CLOCK: variants seen among roughly 807,000 people sequenced by gnomAD.
CLOCK encodes the protein circadian locomoter output cycles protein kaput.
Under a neutral mutation model 118.4 loss-of-function variants are expected in CLOCK, and 43 were observed. That is an observed-to-expected ratio of 0.36 (90% CI 0.28 to 0.47). The LOEUF (loss-of-function observed/expected upper bound fraction) is 0.47, where lower values mean the gene tolerates loss of function less well. Among genes scored for constraint, CLOCK ranks in the 20% least tolerant of loss-of-function variants. The probability of loss-of-function intolerance (pLI) is 1.00; values close to 1 mark genes in which losing one functional copy is unlikely to be tolerated. For synonymous variants in CLOCK, 326 were observed against 339.2 expected (o/e 0.96, Z 0.43); for missense variants, 846 against 999.9 (o/e 0.85, Z 2.08).
At chr4:55,527,917 T>C (rs1399778498) in intron 1 of CLOCK, among the ~76,000 whole-genome samples, 1 of 151,900 alleles carries the variant, frequency 6.6e-6, no homozygotes. Flanking sequence ...TAGTGGCACA[T>C]GCCTATTATC....
intron 1 of CLOCK, among the ~76,000 whole-genome samples, chr4:55,521,829 G>T (rs143057703): frequency 4.5e-4 from 68 of 152,296 alleles, no homozygotes; most frequent in Middle Eastern, 6.8e-3. Context: ...GAGTGTGTAT[G>T]TAACTAGACA....
intron 2 of CLOCK, among the ~76,000 whole-genome samples, chr4:55,504,283 C>CAAAAAAAAAAAAAA (rs35414558): frequency 1.9e-5 from 1 of 51,950 alleles, no homozygotes; most frequent in African/African-American, 7.1e-5. Context: ...GAGACTCCAT[C>CAAAAAAAAAAAAAA]AAAAAAAAAA....
chr4:55,542,000 T>C (rs1731299923), intron 1 of CLOCK, among the ~76,000 whole-genome samples: 1 of 151,170 alleles, frequency 6.6e-6, no homozygotes, highest in South Asian at 2.1e-4. Flanking sequence ...AAATGTTGTA[T>C]GTAATTTTCT....
At chr4:55,494,022 T>G (rs1727892425) in intron 2 of CLOCK, among the ~76,000 whole-genome samples, 1 of 152,242 alleles carries the variant, frequency 6.6e-6, no homozygotes, top group Non-Finnish European at 1.5e-5. Context: ...TTTCAAGTAA[T>G]GTCTGAGCTT....
chr4:55,504,306 A>C (rs1308248374), intron 2 of CLOCK, among the ~76,000 whole-genome samples: 3 of 150,528 alleles, frequency 2.0e-5, no homozygotes, highest in African/African-American at 4.9e-5. Context: ...AAAAAAAAAA[A>C]ACACAACTTG....
chr4:55,487,985 T>C lies in CLOCK; in HGVS notation c.-44+1389A>G, dbSNP rs569350286. Among the ~76,000 whole-genome samples, 46 of 152,316 alleles carry C rather than the reference T, an allele frequency of 3.0e-4. No individual in the cohort carries two copies. In the Middle Eastern group the frequency reaches 0.017, roughly 56 times the overall value. ...AGAAAATAAAATTTAATTGTATTGT[T>C]TGCCATCTCTAGCAGTTTCCCATAT... is the stretch of plus-strand genomic sequence containing the variant. On this transcript the variant is annotated intron_variant, in intron 3 of 22. Transcript: ENST00000513440.
At chr4:55,454,638 A>G (rs898863407) in intron 13 of CLOCK, among the ~76,000 whole-genome samples, 39 of 139,556 alleles carry the variant, frequency 2.8e-4, no homozygotes, top group Non-Finnish European at 1.1e-4. Flanking sequence ...AAAAAAAAAA[A>G]GGGTTTGTAG....
chr4:55,452,361 A>T (rs945596289), intron 15 of CLOCK: 5 of 152,334 alleles, frequency 3.3e-5, no homozygotes, highest in Non-Finnish European at 5.9e-5. Flanking sequence ...GCCCATGAGG[A>T]ACTGAAGTGT....
intron 1 of CLOCK, among the ~76,000 whole-genome samples, chr4:55,534,962 T>C (rs949265950): frequency 6.7e-6 from 1 of 148,844 alleles, no homozygotes; most frequent in Non-Finnish European, 1.5e-5. Context: ...ACAGTCTTGC[T>C]CTGTCATCCA....
At chr4:55,534,515 T>C (rs528254634) in intron 1 of CLOCK, among the ~76,000 whole-genome samples, 12 of 152,336 alleles carry the variant, frequency 7.9e-5, no homozygotes, top group Admixed American at 2.0e-4. Flanking sequence ...ATATCCATTC[T>C]ATCCTCACAT....
chr4:55,499,263 T>C (rs1728278050), intron 2 of CLOCK, among the ~76,000 whole-genome samples: 1 of 152,204 alleles, frequency 6.6e-6, no homozygotes. Context: ...CTGGACATTC[T>C]AGATATTAAG....
At chr4:55,490,849 A>G (rs1727626370) in intron 2 of CLOCK, among the ~76,000 whole-genome samples, 1 of 152,186 alleles carries the variant, frequency 6.6e-6, no homozygotes, top group South Asian at 2.1e-4. Flanking sequence ...TGGACCTAAC[A>G]GACATACACA....
rs1553900254 is a variant in CLOCK, at chr4:55,503,978, T to TAAAAGAAAA, written c.-136+5933_-136+5934insTTTTCTTTT. On this transcript the variant is annotated intron_variant, in intron 2 of 22. Transcript: ENST00000513440. ...ACAGTTTCTATTTGGCAAAAAGAGG[T>TAAAAGAAAA]AAAAAAAAAAAAAAAAAAAAAAAAA... Among the ~76,000 whole-genome samples, 171 of 71,132 alleles carry TAAAAGAAAA rather than the reference T, an allele frequency of 2.4e-3. 1 individual carries two copies. The highest frequency in any genetic ancestry group is 3.4e-3 in the Non-Finnish European group (133 of 39,410). The allele number at this position is 71,132 out of a possible 152,430, so 46.7% of individuals were successfully genotyped here.
chr4:55,462,210 C>T (rs949104906), intron 9 of CLOCK, among the ~76,000 whole-genome samples: 2 of 152,164 alleles, frequency 1.3e-5, no homozygotes, highest in Non-Finnish European at 1.5e-5. Flanking sequence ...GTTCTCCAGT[C>T]GATTTTATTC....
chr4:55,542,507 T>C (rs529581922), intron 1 of CLOCK, among the ~76,000 whole-genome samples: 20 of 151,378 alleles, frequency 1.3e-4, no homozygotes, highest in African/African-American at 3.6e-4. Context: ...TCTTGATCAA[T>C]ACTCTGAACT....
At position 55,463,782 on chromosome 4, in the gene CLOCK, T is replaced by G. The variant is rs1725535105; in HGVS notation, c.462A>C (p.Ile154=). ...GTTCCCCTTCTGGGATAAAATTAAA[T>G]ATACTTTGATCCACAAGATCAGACT... is the stretch of plus-strand genomic sequence containing the variant. ...HLPSDLVDQS[I]FNFIPEGEHS... The change falls in exon 9 of 23, where the codon ATA becomes ATC. Residue 154 remains isoleucine (I), a synonymous_variant. Transcript: ENST00000513440. 1 of 1,611,202 alleles carries G rather than the reference T, an allele frequency of 6.2e-7. No individual in the cohort carries two copies. The highest frequency in any genetic ancestry group is 2.2e-5 in the East Asian group (1 of 44,632).
At chr4:55,506,409 A>G (rs1004369928) in intron 2 of CLOCK, among the ~76,000 whole-genome samples, 2 of 152,120 alleles carry the variant, frequency 1.3e-5, no homozygotes, top group African/African-American at 2.4e-5. Context: ...TAAGATTTTA[A>G]AAGTGGAATT....
In CLOCK at chr4:55,435,388, T is replaced by C. The variant is rs1722797882; in HGVS notation, c.*27A>G. The C allele has an allele frequency of 6.2e-7, 1 of 1,613,512 alleles. No individual in the cohort carries two copies. Among genetic ancestry groups the C allele is most frequent in the Non-Finnish European group, 8.5e-7 (1 of 1,179,598 alleles). On this transcript the variant is annotated 3_prime_UTR_variant, in exon 23 of 23. Transcript: ENST00000513440. ...CTTAATGGGCCATCCCCTTCCTCCC[T>C]TGATGTCAAGAGAGGAAGCACGTGT...
At chr4:55,438,602 T>C (rs1464106408) in intron 21 of CLOCK, 65 bp from the exon 22 acceptor site, 2 of 1,609,158 alleles carry the variant, frequency 1.2e-6, no homozygotes, top group Non-Finnish European at 1.7e-6. Context: ...TAAAACGCAG[T>C]GGAGTAAATA....
Sources: gnomAD v4.1 joint callset for allele counts (sites outside exome capture counted in the v4.1 genomes callset) on GRCh38, gnomAD v4.1.1 for gene constraint, MANE v1.5 for transcripts, NCBI Gene and HGNC (gene_info 2026-07-23, HGNC 2026-07-21) for gene names.